The following UBE2W variants were observed in gnomAD, a reference collection of about 807,000 sequenced individuals.
The protein encoded by UBE2W is ubiquitin-conjugating enzyme E2 W.
UBE2W carries 18 observed loss-of-function variants against 27.2 expected under a neutral mutation model. That is an observed-to-expected ratio of 0.66 (90% CI 0.46 to 0.98). The LOEUF (loss-of-function observed/expected upper bound fraction) is 0.98. Among genes scored for constraint, UBE2W ranks in the 50% least tolerant of loss-of-function variants. The probability of loss-of-function intolerance (pLI) is 0.00; values close to 1 mark genes in which losing one functional copy is unlikely to be tolerated. For synonymous variants in UBE2W, 53 were observed against 57.2 expected (o/e 0.93, Z 0.33); for missense variants, 90 against 180.2 (o/e 0.50, Z 2.87).
At chr8:73,803,568 C>T (rs1434685068) in intron 5 of UBE2W, among the ~76,000 whole-genome samples, 1 of 152,116 alleles carries the variant, frequency 6.6e-6, no homozygotes, top group African/African-American at 2.4e-5. Flanking sequence ...CCTTCCCACC[C>T]CCACAATCAT....
chr8:73,785,902 A>G (rs1348485323), downstream of UBE2W, among the ~76,000 whole-genome samples: 1 of 152,236 alleles, frequency 6.6e-6, no homozygotes, highest in Non-Finnish European at 1.5e-5. Flanking sequence ...CTTTTCACAG[A>G]CATGTTTCTT....
chr8:73,821,895 A>T (rs931947723), intron 3 of UBE2W, among the ~76,000 whole-genome samples: 2 of 152,046 alleles, frequency 1.3e-5, no homozygotes, highest in Non-Finnish European at 2.9e-5. Flanking sequence ...TATTTACTGG[A>T]CCAGACCTTT....
rs530709665 is a variant in UBE2W at position 73,788,965 on chromosome 8, A to T, written c.*5137T>A. 2.4e-4 allele frequency: 238 copies of T among 983,158 alleles called. 1 individual carries two copies. The African/African-American group carries it at 2.7e-3, about 11-fold the overall frequency. 60.9% of individuals were successfully genotyped at this position (983,158 alleles called of 1,614,324 possible). On this transcript the variant is annotated 3_prime_UTR_variant, in exon 6 of 6. Transcript: ENST00000602593. ...CCCTCAGATATTTTATTAACAAAAA[A>T]TTTTTCATAAAAAAATAGTCATTTA...
At position 73,793,073 on chromosome 8, in the gene UBE2W, A is replaced by T; in HGVS notation, c.*1029T>A. 1.0e-6 allele frequency: 1 copy of T among 985,710 alleles called. No homozygotes were observed. 61.1% of individuals were successfully genotyped at this position (985,710 alleles called of 1,614,324 possible). A position where few individuals can be genotyped will look rare whatever the true frequency, so the allele number is the denominator to read the frequency against. On this transcript the variant is annotated 3_prime_UTR_variant, in exon 6 of 6. Transcript: ENST00000602593. ...CAAGAAAAAACTTAACAAAAGTTTCAATAAAAGTATTGTAACATTCAAACT... is the reference window on the plus strand; with the variant it reads ...CAAGAAAAAACTTAACAAAAGTTTCTATAAAAGTATTGTAACATTCAAACT...
chr8:73,793,382 G>T lies in UBE2W; in HGVS notation c.*720C>A. On this transcript the variant is annotated 3_prime_UTR_variant, in exon 6 of 6. Coordinates refer to ENST00000602593, the MANE Select transcript of UBE2W (RefSeq NM_018299.6). ...TCATACCTTTACTTCAGAGATTGAG[G>T]AACTATATACAACAAATTAATTTAT... The T allele has an allele frequency of 1.0e-6, 1 of 985,522 alleles. No individual in the cohort carries two copies. 61.0% of individuals were successfully genotyped at this position (985,522 alleles called of 1,614,324 possible).
At position 73,793,586 on chromosome 8, in the gene UBE2W, A is replaced by C. The variant is rs1808288176; in HGVS notation, c.*516T>G. On this transcript the variant is annotated 3_prime_UTR_variant, in exon 6 of 6. Coordinates refer to ENST00000602593, the MANE Select transcript of UBE2W (RefSeq NM_018299.6). ...TAACCTTAGGATCACAGTGCATAGA[A>C]TCCAAATATAAACAGTTGGGGTGAC... 1 of 986,086 alleles carries C rather than the reference A, an allele frequency of 1.0e-6. No homozygotes were observed. Among genetic ancestry groups the C allele is most frequent in the Non-Finnish European group, 1.2e-6 (1 of 830,088 alleles). 61.1% of individuals were successfully genotyped at this position (986,086 alleles called of 1,614,324 possible).
Position 73,800,900 on chromosome 8 carries a change from C to T in UBE2W, c.442+4751G>A, listed in dbSNP as rs1321533386. Among the ~76,000 whole-genome samples, 4 of 152,242 alleles carry T rather than the reference C, an allele frequency of 2.6e-5. No homozygotes were observed. The East Asian group carries it at 7.7e-4, about 29-fold the overall frequency. On this transcript the variant is annotated intron_variant, in intron 5 of 5. Transcript: ENST00000602593. ...CTGAGGTTGGGAGTTCAAGACCAGCCTGACCAACATGGAGAAACCTCATCT... is the reference window on the plus strand; with the variant it reads ...CTGAGGTTGGGAGTTCAAGACCAGCTTGACCAACATGGAGAAACCTCATCT...
In UBE2W at chr8:73,805,733, CA is replaced by C; in HGVS notation, c.367-8del. The C allele has an allele frequency of 2.0e-6, 3 of 1,481,878 alleles. No individual in the cohort carries two copies. Among genetic ancestry groups the C allele is most frequent in the Non-Finnish European group, 1.8e-6 (2 of 1,104,130 alleles). The allele number at this position is 1,481,878 out of a possible 1,614,324, so 91.8% of individuals were successfully genotyped here. A position where few individuals can be genotyped will look rare whatever the true frequency, so the allele number is the denominator to read the frequency against. On this transcript the variant is annotated splice_polypyrimidine_tract_variant and splice_region_variant and intron_variant, in intron 4 of 5. Coordinates refer to ENST00000602593, the MANE Select transcript of UBE2W (RefSeq NM_018299.6). ...AATTATCCGGTGGTCGTCTCTGAAA[CA>C]AAAAATAATTTAAATAGGTTGAAAA...
intron 5 of UBE2W, among the ~76,000 whole-genome samples, chr8:73,800,352 T>C (rs778694621): frequency 1.3e-5 from 2 of 151,946 alleles, no homozygotes; most frequent in Non-Finnish European, 2.9e-5. Context: ...ATTCAAACAT[T>C]CAGCATTCAA....
intron 1 of UBE2W, among the ~76,000 whole-genome samples, chr8:73,845,187 T>C (rs1157504174): frequency 1.3e-5 from 2 of 152,136 alleles, no homozygotes; most frequent in Non-Finnish European, 2.9e-5. Context: ...CCCCTCTGCC[T>C]GGCCACCACC....
chr8:73,870,185 G>T, intron 1 of UBE2W: 2 of 1,408,502 alleles, frequency 1.4e-6, no homozygotes, highest in Non-Finnish European at 2.0e-6. Flanking sequence ...TTAAAAGGAT[G>T]TCAAAATGGA....
chr8:73,805,472 C>CAAACAAAAAAAAAAACAAAAAAAAA (rs1254739442), intron 5 of UBE2W, among the ~76,000 whole-genome samples, 179 bp downstream of exon 5: 1 of 43,676 alleles, frequency 2.3e-5, no homozygotes, highest in Non-Finnish European at 5.0e-5. Flanking sequence ...AAAAAAAAAA[C>CAAACAAAAAAAAAAACAAAAAAAAA]AAAAAAAACT....
chr8:73,828,180 G>T (rs1423679481), intron 2 of UBE2W, among the ~76,000 whole-genome samples: 3 of 152,158 alleles, frequency 2.0e-5, no homozygotes, highest in Non-Finnish European at 4.4e-5. Flanking sequence ...CTAGTACTCT[G>T]TAATTCTAAT....
intron 1 of UBE2W, among the ~76,000 whole-genome samples, chr8:73,857,401 A>G (rs941858942): frequency 6.6e-6 from 1 of 152,210 alleles, no homozygotes; most frequent in African/African-American, 2.4e-5. Context: ...TTTTTTCACT[A>G]CAATAGTTTC....
At position 73,788,707 on chromosome 8, in the gene UBE2W, T is replaced by C. The variant is rs1028700127; in HGVS notation, c.*5395A>G. 1.7e-5 allele frequency: 17 copies of C among 985,436 alleles called. 1 individual carries two copies. The African/African-American group carries it at 3.0e-4, about 17-fold the overall frequency. 61.0% of individuals were successfully genotyped at this position (985,436 alleles called of 1,614,324 possible). A position where few individuals can be genotyped will look rare whatever the true frequency, so the allele number is the denominator to read the frequency against. On this transcript the variant is annotated 3_prime_UTR_variant, in exon 6 of 6. Transcript: ENST00000602593. Reference sequence around the variant, plus strand: ...GTCATTTTGAAATCATGCTTTTGCCTTTGAGAAAACAACTTAGAATTGTTG... The same window carrying C: ...GTCATTTTGAAATCATGCTTTTGCCCTTGAGAAAACAACTTAGAATTGTTG...
intron 5 of UBE2W, 79 bp downstream of exon 5, chr8:73,805,572 T>C: frequency 1.2e-6 from 1 of 825,086 alleles, no homozygotes; most frequent in East Asian, 3.2e-5. Flanking sequence ...CTTCTCTTCT[T>C]TTTCCCAAGT....
At chr8:73,805,455 A>AAAAAAAAAAAAACAAAC (rs1808839146) in intron 5 of UBE2W, among the ~76,000 whole-genome samples, 196 bp downstream of exon 5, 1 of 29,524 alleles carries the variant, frequency 3.4e-5, no homozygotes, top group Non-Finnish European at 8.8e-5. Flanking sequence ...ACTCCATCTC[A>AAAAAAAAAAAAACAAAC]AAAAAAAAAA....
intron 1 of UBE2W, among the ~76,000 whole-genome samples, chr8:73,865,775 C>G (rs1001987044): frequency 1.1e-4 from 17 of 152,080 alleles, no homozygotes; most frequent in African/African-American, 3.9e-4. Context: ...TCATGTAGTA[C>G]AAAAGACTAT....
At chr8:73,856,339 A>C (rs1308943195) in intron 1 of UBE2W, among the ~76,000 whole-genome samples, 1 of 149,550 alleles carries the variant, frequency 6.7e-6, no homozygotes, top group Non-Finnish European at 1.5e-5. Flanking sequence ...AACATAGACA[A>C]ATTATATACA....
Sources: gnomAD v4.1 joint callset for allele counts (sites outside exome capture counted in the v4.1 genomes callset) on GRCh38, gnomAD v4.1.1 for gene constraint, MANE v1.5 for transcripts, NCBI Gene and HGNC (gene_info 2026-07-23, HGNC 2026-07-21) for gene names.